Variants in PITPNC1 observed in about 807,000 individuals in gnomAD.
The protein encoded by PITPNC1 is phosphatidylinositol transfer protein cytoplasmic 1, also known as cytoplasmic phosphatidylinositol transfer protein 1.
In PITPNC1, 18 loss-of-function variants were observed where a neutral mutation model predicts 44.7. That is an observed-to-expected ratio of 0.40 (90% CI 0.28 to 0.60). PITPNC1 has a LOEUF of 0.60. Among genes scored for constraint, PITPNC1 ranks in the 20% least tolerant of loss-of-function variants. The probability of loss-of-function intolerance (pLI) is 0.39; values close to 1 mark genes in which losing one functional copy is unlikely to be tolerated. For synonymous variants in PITPNC1, 141 were observed against 149.6 expected (o/e 0.94, Z 0.42); for missense variants, 290 against 418.4 (o/e 0.69, Z 2.68).
intron 1 of PITPNC1, among the ~76,000 whole-genome samples, chr17:67,484,031 G>T (rs1452224723): frequency 2.7e-5 from 4 of 150,076 alleles, no homozygotes; most frequent in Non-Finnish European, 4.4e-5. Flanking sequence ...CGATTCTCCT[G>T]CCTCAGCCTC....
intron 1 of PITPNC1, among the ~76,000 whole-genome samples, chr17:67,488,608 A>G (rs976518995): frequency 1.3e-5 from 2 of 152,210 alleles, no homozygotes; most frequent in Non-Finnish European, 2.9e-5. Flanking sequence ...TTACCATCTT[A>G]ACCATTTTTA....
intron 1 of PITPNC1, among the ~76,000 whole-genome samples, chr17:67,473,050 G>C (rs1170964685): frequency 1.3e-5 from 2 of 151,636 alleles, no homozygotes; most frequent in Non-Finnish European, 2.9e-5. Flanking sequence ...TAATTTTTTT[G>C]TATTTTTAGT....
intron 1 of PITPNC1, among the ~76,000 whole-genome samples, chr17:67,416,203 C>T (rs1402772671): frequency 1.6e-4 from 11 of 67,602 alleles, no homozygotes; most frequent in Non-Finnish European, 2.1e-4. Flanking sequence ...ACATGTATTG[C>T]TTTTTTTTTT....
chr17:67,474,137 G>A, intron 1 of PITPNC1, among the ~76,000 whole-genome samples: 1 of 152,136 alleles, frequency 6.6e-6, no homozygotes, highest in East Asian at 1.9e-4. Flanking sequence ...GGCGGTGGAT[G>A]GAGCGAAGTT....
chr17:67,395,572 A>G (rs1293907129), intron 1 of PITPNC1, among the ~76,000 whole-genome samples: 1 of 152,166 alleles, frequency 6.6e-6, no homozygotes, highest in Non-Finnish European at 1.5e-5. Flanking sequence ...CCCTCCATCA[A>G]GAACATTTTG....
intron 1 of PITPNC1, among the ~76,000 whole-genome samples, chr17:67,524,089 C>T (rs978843202): frequency 3.9e-5 from 6 of 152,082 alleles, no homozygotes; most frequent in South Asian, 2.1e-4. Flanking sequence ...GGATTGCAGG[C>T]GTGAGCCACT....
chr17:67,650,673 A>C (rs1352483456), intron 6 of PITPNC1, among the ~76,000 whole-genome samples: 2 of 151,348 alleles, frequency 1.3e-5, no homozygotes, highest in Non-Finnish European at 2.9e-5. Context: ...CTGATCTCCA[A>C]CTCCTGACCT....
chr17:67,683,676 TA>T (rs1014881974), intron 8 of PITPNC1, among the ~76,000 whole-genome samples: 2 of 151,686 alleles, frequency 1.3e-5, no homozygotes, highest in African/African-American at 2.4e-5. Flanking sequence ...ACTCTTTGTT[TA>T]AAAAAAATAA....
At chr17:67,564,167 GGA>G (rs2040943577) in intron 4 of PITPNC1, among the ~76,000 whole-genome samples, 1 of 148,918 alleles carries the variant, frequency 6.7e-6, no homozygotes, top group African/African-American at 2.5e-5. Flanking sequence ...TTGGGTGGAT[GGA>G]TGGATGGATG....
At chr17:67,641,402 T>C (rs1038296049) in intron 6 of PITPNC1, among the ~76,000 whole-genome samples, 2 of 152,214 alleles carry the variant, frequency 1.3e-5, no homozygotes, top group African/African-American at 2.4e-5. Context: ...ACTCACACTA[T>C]GCACACCATC....
chr17:67,488,686 G>A (rs1348644003), intron 1 of PITPNC1, among the ~76,000 whole-genome samples: 4 of 152,176 alleles, frequency 2.6e-5, no homozygotes, highest in African/African-American at 9.7e-5. Context: ...TCCATCTGCA[G>A]AACTCTGCAT....
At chr17:67,461,644 A>G (rs1224145127) in intron 1 of PITPNC1, among the ~76,000 whole-genome samples, 1 of 152,162 alleles carries the variant, frequency 6.6e-6, no homozygotes. Context: ...TTAGAACTGT[A>G]GGCTGGGTGT....
chr17:67,642,898 G>T (rs2642066), intron 6 of PITPNC1, among the ~76,000 whole-genome samples: 12,583 of 152,000 alleles, frequency 0.083, 903 homozygotes, highest in African/African-American at 0.19. Context: ...GCAGTAATTG[G>T]CATGAATGAT....
At chr17:67,579,068 GT>G (rs2041191114) in intron 5 of PITPNC1, among the ~76,000 whole-genome samples, 1 of 152,238 alleles carries the variant, frequency 6.6e-6, no homozygotes, top group Non-Finnish European at 1.5e-5. Flanking sequence ...TGCGGTGTAT[GT>G]ATACACCCAC....
intron 1 of PITPNC1, chr17:67,457,058 T>A (rs2039264130): frequency 6.6e-6 from 1 of 151,990 alleles, no homozygotes; most frequent in Non-Finnish European, 1.5e-5. Flanking sequence ...CAGGCTGGAG[T>A]GCAGTGGCCA....
chr17:67,662,781 A>T (rs956670802), intron 6 of PITPNC1, among the ~76,000 whole-genome samples: 1 of 151,998 alleles, frequency 6.6e-6, no homozygotes, highest in Non-Finnish European at 1.5e-5. Flanking sequence ...TCTTTTTTTT[A>T]AATTTCAACT....
rs907650983 is a variant in PITPNC1 at position 67,597,033 on chromosome 17, A to G, written c.366+18776A>G. On this transcript the variant is annotated intron_variant, in intron 5 of 8. Transcript: ENST00000581322. This position sits in a 1 kb window ranked among gnomAD's most constrained non-coding sequence, Gnocchi z 4.0. ...CTCAGCCTCCCAAGTAACTGGGACT[A>G]TAGGCACTTGCCACCATGCTCGCCT... is the stretch of plus-strand genomic sequence containing the variant. Among the ~76,000 whole-genome samples, 2 of 152,152 alleles carry G rather than the reference A, an allele frequency of 1.3e-5. No individual in the cohort carries two copies. The highest frequency in any genetic ancestry group is 1.9e-4 in the East Asian group (1 of 5,170).
intron 1 of PITPNC1, among the ~76,000 whole-genome samples, chr17:67,414,524 C>T (rs553564598): frequency 6.6e-6 from 1 of 151,972 alleles, no homozygotes; most frequent in African/African-American, 2.4e-5. Context: ...CTGCAACCTG[C>T]ATTCCAAGGG....
intron 8 of PITPNC1, among the ~76,000 whole-genome samples, chr17:67,683,990 A>G (rs893250422): frequency 1.3e-5 from 2 of 149,884 alleles, no homozygotes; most frequent in African/African-American, 4.9e-5. Context: ...AAAAAAAAAA[A>G]AAAGAAAAGA....
Sources: gnomAD v4.1 joint callset for allele counts (sites outside exome capture counted in the v4.1 genomes callset) on GRCh38, gnomAD v4.1.1 for gene constraint, Gnocchi (gnomAD v3.1) non-coding constraint, MANE v1.5 for transcripts, NCBI Gene and HGNC (gene_info 2026-07-23, HGNC 2026-07-21) for gene names.